Variants in CRISP1 observed in about 807,000 individuals in gnomAD.
CRISP1 encodes cysteine-rich secretory protein 1.
Under a neutral mutation model 33.1 loss-of-function variants are expected in CRISP1, and 44 were observed. That is an observed-to-expected ratio of 1.33 (90% CI 1.05 to 1.71). The LOEUF is 1.71. Among genes scored for constraint, CRISP1 ranks in the 40% most tolerant of loss-of-function variants. The pLI is 0.00. For synonymous variants in CRISP1, 103 were observed against 98.7 expected, an observed-to-expected ratio of 1.04 and a Z score of -0.26; for missense variants, 390 against 301.2, an observed-to-expected ratio of 1.29 and a Z score of -2.18.
chr6:49,868,069 C>T (rs183087589), upstream of CRISP1, among the ~76,000 whole-genome samples: 28 of 152,184 alleles, frequency 1.8e-4, no homozygotes, highest in Non-Finnish European at 2.1e-4. Context: ...TCTGTTGGTC[C>T]TGGCAATTCC....
chr6:49,835,649 G>A (rs1214186705), intron 7 of CRISP1, among the ~76,000 whole-genome samples: 1 of 152,166 alleles, frequency 6.6e-6, no homozygotes, highest in African/African-American at 2.4e-5. Context: ...TTGTCTTTGT[G>A]TAAAACAAGT....
chr6:49,849,096 G>A (rs1414985576), intron 3 of CRISP1, among the ~76,000 whole-genome samples: 1 of 152,094 alleles, frequency 6.6e-6, no homozygotes, highest in Non-Finnish European at 1.5e-5. Context: ...GGTCAGGTAT[G>A]ACTAAGTAAC....
In CRISP1 at chr6:49,847,529, T is replaced by C. The variant is rs190589855; in HGVS notation, c.286+680A>G. Among the ~76,000 whole-genome samples the C allele has an allele frequency of 1.8e-4, 28 of 152,246 alleles. No individual in the cohort carries two copies. The East Asian group carries it at 5.0e-3, about 27-fold the overall frequency. On this transcript the variant is annotated intron_variant, in intron 4 of 7. Transcript: ENST00000335847. ...GCTCCCCCTTCACCTTCTGCCATGATTGTAAGCTTCCTAAGGTCTCACCAA... is the reference window on the plus strand; with the variant it reads ...GCTCCCCCTTCACCTTCTGCCATGACTGTAAGCTTCCTAAGGTCTCACCAA...
rs1223642325 is a variant in CRISP1, at chr6:49,857,344, C to T, written c.57G>A (p.Leu19=). ...LVAAACLLPM[L]SMKKKSARDQ... is the part of the protein sequence containing the mutation. ...TCCAACCCTCACATACTTTCATGGA[C>T]AACATAGGCAGTAAGCAAGCAGCAG... is the stretch of plus-strand genomic sequence containing the variant. The change falls in exon 2 of 8, where the codon TTG becomes TTA. Residue 19 remains leucine, a synonymous_variant. Coordinates refer to ENST00000335847, the MANE Select transcript of CRISP1 (RefSeq NM_001131.3). 5 of 1,612,658 alleles carry T rather than the reference C, an allele frequency of 3.1e-6. No individual in the cohort carries two copies. Among genetic ancestry groups the T allele is most frequent in the African/African-American group, 1.3e-5 (1 of 74,850 alleles).
chr6:49,861,916 G>T (rs778160150), intron 1 of CRISP1, among the ~76,000 whole-genome samples: 1 of 151,678 alleles, frequency 6.6e-6, no homozygotes, highest in African/African-American at 2.4e-5. Flanking sequence ...CATAATAAAG[G>T]CCATATATGA....
intron 2 of CRISP1, among the ~76,000 whole-genome samples, chr6:49,853,752 T>C (rs1310022796): frequency 6.6e-6 from 1 of 152,154 alleles, no homozygotes; most frequent in Non-Finnish European, 1.5e-5. Context: ...TTCTCTACTT[T>C]CACAACTCTC....
upstream of CRISP1, among the ~76,000 whole-genome samples, chr6:49,869,839 G>A (rs1423457626): frequency 1.3e-5 from 2 of 152,226 alleles, no homozygotes; most frequent in East Asian, 3.9e-4. Flanking sequence ...GAAAGACTAA[G>A]TCAAAAGGGC....
intron 2 of CRISP1, among the ~76,000 whole-genome samples, chr6:49,856,492 C>A (rs1204944585): frequency 6.6e-6 from 1 of 152,130 alleles, no homozygotes; most frequent in Non-Finnish European, 1.5e-5. Context: ...AACAGGAGCT[C>A]CACCTAGTCT....
chr6:49,871,298 G>C (rs1238060650), upstream of CRISP1, among the ~76,000 whole-genome samples: 1 of 152,074 alleles, frequency 6.6e-6, no homozygotes, highest in African/African-American at 2.4e-5. Context: ...CTGGAACAGA[G>C]GTTACATTGT....
chr6:49,842,880 C>T (rs529715188), intron 5 of CRISP1, among the ~76,000 whole-genome samples: 1 of 152,230 alleles, frequency 6.6e-6, no homozygotes, highest in East Asian at 1.9e-4. Context: ...TAAAATGTTT[C>T]TATATTCTAC....
intron 1 of CRISP1, among the ~76,000 whole-genome samples, chr6:49,860,239 T>G (rs969552652): frequency 3.3e-5 from 5 of 152,118 alleles, no homozygotes; most frequent in Non-Finnish European, 7.4e-5. Flanking sequence ...AAAGAAACAT[T>G]GGATTTAAGT....
At chr6:49,863,701 C>A (rs1458227274) in intron 1 of CRISP1, among the ~76,000 whole-genome samples, 1 of 152,198 alleles carries the variant, frequency 6.6e-6, no homozygotes, top group Non-Finnish European at 1.5e-5. Context: ...CTGGGTACTG[C>A]CCTATGGCAT....
intron 4 of CRISP1, 23 bp from the exon 5 acceptor site, chr6:49,846,691 G>A (rs747758048): frequency 1.2e-6 from 2 of 1,608,720 alleles, no homozygotes; most frequent in South Asian, 2.2e-5. Context: ...AACGGGCTGG[G>A]TCATACTCTG....
chr6:49,874,502 A>C (rs536576880), intron 1 of CRISP1, among the ~76,000 whole-genome samples: 163 of 152,176 alleles, frequency 1.1e-3, no homozygotes, highest in Non-Finnish European at 2.0e-3. Context: ...CACCATTTTT[A>C]AGGGTTGGTT....
intron 2 of CRISP1, among the ~76,000 whole-genome samples, chr6:49,854,376 T>A (rs561285862): frequency 1.3e-5 from 2 of 152,288 alleles, no homozygotes; most frequent in East Asian, 1.9e-4. Flanking sequence ...GCAGCTTATA[T>A]CTCTTTTTTT....
Position 49,834,369 on chromosome 6 carries a change from C to T in CRISP1, c.*947G>A, listed in dbSNP as rs1770710989. ...AATTTGACCAAGTATTTTTAGCCTT[C>T]CCTTTCCCCATGTCAGGCCCTTCAA... On this transcript the variant is annotated 3_prime_UTR_variant, in exon 8 of 8. Coordinates refer to ENST00000335847, the MANE Select transcript of CRISP1 (RefSeq NM_001131.3). 1 of 151,908 alleles carries T rather than the reference C, an allele frequency of 6.6e-6. No homozygotes were observed. The highest frequency in any genetic ancestry group is 1.5e-5 in the Non-Finnish European group (1 of 67,978). The allele number at this position is 151,908 out of a possible 1,614,324, so 9.4% of individuals were successfully genotyped here.
intron 5 of CRISP1, among the ~76,000 whole-genome samples, chr6:49,843,525 AAACT>A (rs1771060573): frequency 6.6e-6 from 1 of 152,192 alleles, no homozygotes; most frequent in African/African-American, 2.4e-5. Flanking sequence ...TCCTCTCAAG[AAACT>A]AACTATGCTG....
chr6:49,846,409 A>T, intron 5 of CRISP1, 111 bp downstream of exon 5: 1 of 1,122,760 alleles, frequency 8.9e-7, no homozygotes, highest in Non-Finnish European at 1.3e-6. Flanking sequence ...CAGTAAATTG[A>T]GTAAAGATTG....
rs141008757 is a variant in CRISP1 at position 49,853,204 on chromosome 6, G to T, written c.67-1075C>A. Reference sequence around the variant, plus strand: ...TGATTTGGACTAGAGGACAGGCTGCGGACCCACATGATTCCACATACTATT... The same window carrying T: ...TGATTTGGACTAGAGGACAGGCTGCTGACCCACATGATTCCACATACTATT... On this transcript the variant is annotated intron_variant, in intron 2 of 7. Coordinates refer to ENST00000335847, the MANE Select transcript of CRISP1 (RefSeq NM_001131.3). Among the ~76,000 whole-genome samples, 282 of 152,068 alleles carry T rather than the reference G, an allele frequency of 1.9e-3. 2 individuals are homozygous for T. Among genetic ancestry groups the T allele is most frequent in the African/African-American group, 6.4e-3 (266 of 41,478 alleles).
Sources: allele counts gnomAD v4.1 joint callset (sites outside exome capture counted in the v4.1 genomes callset), GRCh38; gene constraint gnomAD v4.1.1; transcripts MANE v1.5; gene names NCBI Gene and HGNC (gene_info 2026-07-23, HGNC 2026-07-21).